Variants in CYSTM1 observed in about 807,000 individuals in gnomAD.
CYSTM1 encodes the protein cysteine rich transmembrane module containing 1, also known as cysteine-rich transmembrane module-containing protein 1.
In CYSTM1, 4 loss-of-function variants were observed where a neutral mutation model predicts 13.1. The observed-to-expected ratio is 0.31, with a 90% CI of 0.15 to 0.70. The LOEUF is 0.70. Ranked by LOEUF, CYSTM1 falls within the 30% of genes least tolerant of loss-of-function variation. The pLI is 0.72. For synonymous variants in CYSTM1, 36 were observed against 42.7 expected, an observed-to-expected ratio of 0.84 and a Z score of 0.62; for missense variants, 96 against 121.6, an observed-to-expected ratio of 0.79 and a Z score of 0.99.
rs1223220018 is a variant in CYSTM1, at chr5:140,243,730, T to C, written c.*319T>C. ...GTGGCCAAATGTAACACATCAATCA[T>C]GGAATGATTTCTCTGCTAACAGCCG... On this transcript the variant is annotated 3_prime_UTR_variant, in exon 3 of 3. Coordinates refer to ENST00000261811, the MANE Select transcript of CYSTM1 (RefSeq NM_032412.4). 1 of 217,222 alleles carries C rather than the reference T, an allele frequency of 4.6e-6. No homozygotes were observed. The highest frequency in any genetic ancestry group is 2.3e-5 in the African/African-American group (1 of 42,878). 13.5% of individuals were successfully genotyped at this position (217,222 alleles called of 1,614,324 possible).
chr5:140,196,976 A>G (rs1764166563), intron 2 of CYSTM1, among the ~76,000 whole-genome samples: 1 of 152,186 alleles, frequency 6.6e-6, no homozygotes, highest in African/African-American at 2.4e-5. Context: ...ATAGATAGTT[A>G]TGACTTGTGT....
chr5:140,194,803 C>T (rs1163045297), intron 2 of CYSTM1, 151 bp downstream of exon 2: 3 of 1,018,556 alleles, frequency 2.9e-6, no homozygotes, highest in Admixed American at 3.1e-5. Context: ...TGGATTCTCA[C>T]TCCTGAGAAG....
intron 1 of CYSTM1, among the ~76,000 whole-genome samples, chr5:140,185,556 T>G (rs1764006694): frequency 6.6e-6 from 1 of 152,164 alleles, no homozygotes. Flanking sequence ...AGAAGAGCAA[T>G]TTAGAAAATG....
intron 2 of CYSTM1, among the ~76,000 whole-genome samples, chr5:140,225,206 G>T (rs547511733): frequency 6.6e-6 from 1 of 152,284 alleles, no homozygotes; most frequent in African/African-American, 2.4e-5. Flanking sequence ...AAAAAAGATG[G>T]TGTCATTCTT....
At chr5:140,177,072 A>AAAAAAAACAAAAAAAAAACAAC (rs1284934911) in intron 1 of CYSTM1, among the ~76,000 whole-genome samples, 83 of 150,910 alleles carry the variant, frequency 5.5e-4, no homozygotes, top group African/African-American at 2.0e-3. Context: ...CTGTCTCAAA[A>AAAAAAAACAAAAAAAAAACAAC]AAAAAAAAAA....
At chr5:140,228,341 A>T (rs1480005026) in intron 2 of CYSTM1, among the ~76,000 whole-genome samples, 1 of 152,222 alleles carries the variant, frequency 6.6e-6, no homozygotes, top group Non-Finnish European at 1.5e-5. Context: ...GGGAGGATTA[A>T]ATGAAATCAT....
At chr5:140,185,528 C>T (rs1764006399) in intron 1 of CYSTM1, among the ~76,000 whole-genome samples, 1 of 152,184 alleles carries the variant, frequency 6.6e-6, no homozygotes, top group African/African-American at 2.4e-5. Flanking sequence ...GGTTGTCTTC[C>T]TCCAGTCTGT....
intron 2 of CYSTM1, among the ~76,000 whole-genome samples, chr5:140,240,920 A>C (rs1286502603): frequency 6.6e-6 from 1 of 152,182 alleles, no homozygotes; most frequent in Non-Finnish European, 1.5e-5. Flanking sequence ...CCTCAGCTAA[A>C]GGTGAAAAGG....
At chr5:140,179,121 C>A (rs1411465353) in intron 1 of CYSTM1, among the ~76,000 whole-genome samples, 1 of 151,594 alleles carries the variant, frequency 6.6e-6, no homozygotes. Flanking sequence ...ATTAGCTGGG[C>A]ATGTGGTATG....
intron 2 of CYSTM1, among the ~76,000 whole-genome samples, chr5:140,235,121 C>A (rs959651478): frequency 1.3e-5 from 2 of 151,930 alleles, no homozygotes; most frequent in African/African-American, 4.8e-5. Context: ...CGCCCGCCAC[C>A]ACGCCTGGCT....
Position 140,227,154 on chromosome 5 carries a change from G to A in CYSTM1, c.188-16151G>A, listed in dbSNP as rs982456529. 5.3e-5 allele frequency among the ~76,000 whole-genome samples: 8 copies of A among 152,164 alleles called. No homozygotes were observed. The South Asian group carries it at 6.2e-4, about 12-fold the overall frequency. ...CAATGGCGCCTGCTCCCTTGATGCC[G>A]TCTTCCCCAGAACCTGGCTCAGGTG... On this transcript the variant is annotated intron_variant, in intron 2 of 2. Coordinates refer to ENST00000261811, the MANE Select transcript of CYSTM1 (RefSeq NM_032412.4).
At chr5:140,179,412 A>C (rs1033441374) in intron 1 of CYSTM1, among the ~76,000 whole-genome samples, 2 of 151,682 alleles carry the variant, frequency 1.3e-5, no homozygotes, top group African/African-American at 4.8e-5. Flanking sequence ...TACAAAAACT[A>C]GCTGAGCATG....
Position 140,239,131 on chromosome 5 carries a change from A to G in CYSTM1, c.188-4174A>G, listed in dbSNP as rs1764718208. Among the ~76,000 whole-genome samples the G allele has an allele frequency of 2.6e-5, 4 of 152,162 alleles. No homozygotes were observed. The highest frequency in any genetic ancestry group is 5.9e-5 in the Non-Finnish European group (4 of 68,002). ...TGGTACAGACACTTGCAAAAACAAGAAGGACCTAATAAGGCTCAATTACCA... is the reference window on the plus strand; with the variant it reads ...TGGTACAGACACTTGCAAAAACAAGGAGGACCTAATAAGGCTCAATTACCA... On this transcript the variant is annotated intron_variant, in intron 2 of 2. Coordinates refer to ENST00000261811, the MANE Select transcript of CYSTM1 (RefSeq NM_032412.4). The surrounding 1 kb of genome is among the most constrained non-coding windows in gnomAD (Gnocchi z 5.4).
At chr5:140,221,432 G>T (rs961947924) in intron 2 of CYSTM1, among the ~76,000 whole-genome samples, 1 of 152,130 alleles carries the variant, frequency 6.6e-6, no homozygotes, top group Non-Finnish European at 1.5e-5. Flanking sequence ...CTATGAATTT[G>T]ACTACACTGA....
At chr5:140,192,584 T>C (rs1158254967) in intron 1 of CYSTM1, among the ~76,000 whole-genome samples, 1 of 152,240 alleles carries the variant, frequency 6.6e-6, no homozygotes, top group Non-Finnish European at 1.5e-5. Flanking sequence ...TTCTCAGGGC[T>C]GCAGATTGGC....
rs530449581 is a variant in CYSTM1, at chr5:140,227,429, G to T, written c.188-15876G>T. 1.7e-4 allele frequency among the ~76,000 whole-genome samples: 26 copies of T among 152,268 alleles called. No homozygotes were observed. In the South Asian group the frequency reaches 5.0e-3, roughly 29 times the overall value. The stretch of plus-strand genomic sequence containing the variant: ...TGTGATTTGATAGCATCCCCTACTT[G>T]CCAGGTTTGCCCAGCAGAAGTCCTG... On this transcript the variant is annotated intron_variant, in intron 2 of 2. Transcript: ENST00000261811.
chr5:140,179,834 G>A (rs999502400), intron 1 of CYSTM1, among the ~76,000 whole-genome samples: 2 of 151,672 alleles, frequency 1.3e-5, no homozygotes, highest in Non-Finnish European at 2.9e-5. Context: ...CTAATTTTTT[G>A]TATTTTTTAG....
rs546007386 is a variant in CYSTM1 at position 140,189,496 on chromosome 5, C to T, written c.-20-4950C>T. Among the ~76,000 whole-genome samples the T allele has an allele frequency of 2.8e-3, 419 of 152,272 alleles. 2 individuals carry two copies. Among genetic ancestry groups the T allele is most frequent in the Non-Finnish European group, 4.7e-3 (323 of 68,028 alleles). On this transcript the variant is annotated intron_variant, in intron 1 of 2. Coordinates refer to ENST00000261811, the MANE Select transcript of CYSTM1 (RefSeq NM_032412.4). ...CTCTTTTATTTATAAATTGCCCAGCCTCAGTTAGTCCTTTATAGCAACACA... is the reference window on the plus strand; with the variant it reads ...CTCTTTTATTTATAAATTGCCCAGCTTCAGTTAGTCCTTTATAGCAACACA...
At chr5:140,187,430 T>C (rs1370786345) in intron 1 of CYSTM1, among the ~76,000 whole-genome samples, 1 of 152,136 alleles carries the variant, frequency 6.6e-6, no homozygotes. Context: ...CGTGGTGTGA[T>C]CACGGCTCAC....
Sources: allele counts gnomAD v4.1 joint callset (sites outside exome capture counted in the v4.1 genomes callset), GRCh38; gene constraint gnomAD v4.1.1; non-coding constraint Gnocchi (gnomAD v3.1); transcripts MANE v1.5; gene names NCBI Gene and HGNC (gene_info 2026-07-23, HGNC 2026-07-21).